Variants in SGCG observed in about 807,000 individuals in gnomAD.
The protein encoded by SGCG is sarcoglycan gamma, also known as gamma-sarcoglycan.
A neutral mutation model predicts 29.3 loss-of-function variants in SGCG; 26 were observed. The ratio of observed to expected loss-of-function variants is 0.89; its 90% CI spans 0.65 to 1.23. The LOEUF is 1.23. SGCG is among the 50% of genes most tolerant of loss of function. The probability of loss-of-function intolerance (pLI) is 0.00; values close to 1 mark genes in which losing one functional copy is unlikely to be tolerated. For missense variants in SGCG, 353 were observed against 356.0 expected (o/e 0.99, Z 0.07); for synonymous variants, 145 against 129.7 (o/e 1.12, Z -0.80).
chr13:23,238,366 A>C (rs1477186946), intron 3 of SGCG, among the ~76,000 whole-genome samples: 1 of 152,154 alleles, frequency 6.6e-6, no homozygotes, highest in Non-Finnish European at 1.5e-5. Context: ...CTATGGATAA[A>C]TATTTACCAG....
intron 2 of SGCG, among the ~76,000 whole-genome samples, chr13:23,211,880 CA>C (rs1436928909): frequency 6.6e-6 from 1 of 152,154 alleles, no homozygotes; most frequent in Non-Finnish European, 1.5e-5. Context: ...TCTGTGTCCC[CA>C]CCCAATCTCC....
intron 4 of SGCG, among the ~76,000 whole-genome samples, chr13:23,260,634 C>G (rs1480637989): frequency 6.6e-6 from 1 of 152,106 alleles, no homozygotes. Flanking sequence ...CAGTTTCTTG[C>G]TAGCATCGAT....
In SGCG at chr13:23,233,811, G is replaced by A. The variant is rs76611653; in HGVS notation, c.196-800G>A. On this transcript the variant is annotated intron_variant, in intron 2 of 7. Transcript: ENST00000218867. ...GCCTAAGACTGAACTTGAGGGAGCC[G>A]GTAGTCAAGGGCTGGGTAGGGAGGA... Among the ~76,000 whole-genome samples, 912 of 152,292 alleles carry A rather than the reference G, an allele frequency of 6.0e-3. 3 individuals are homozygous for A. The highest frequency in any genetic ancestry group is 8.9e-3 in the Non-Finnish European group (604 of 68,024).
At position 23,243,679 on chromosome 13, in the gene SGCG, T is replaced by A. The variant is rs540967906; in HGVS notation, c.298-6951T>A. On this transcript the variant is annotated intron_variant, in intron 3 of 7. Coordinates refer to ENST00000218867, the MANE Select transcript of SGCG (RefSeq NM_000231.3). ...GAGAATGGTGGAGAGAGCCTGGAAGTGGGCATCTAAAGATTGGCTCCACCA... is the reference window on the plus strand; with the variant it reads ...GAGAATGGTGGAGAGAGCCTGGAAGAGGGCATCTAAAGATTGGCTCCACCA... The A allele has an allele frequency of 2.6e-5, 4 of 152,176 alleles. No homozygotes were observed. In the East Asian group the frequency reaches 7.7e-4, roughly 29 times the overall value. The allele number at this position is 152,176 out of a possible 1,614,324, so 9.4% of individuals were successfully genotyped here. A position where few individuals can be genotyped will look rare whatever the true frequency, so the allele number is the denominator to read the frequency against.
chr13:23,322,768 ACCTCCCCC>A lies in SGCG; in HGVS notation c.703-1597_703-1590del, dbSNP rs1883092385. ...TGCACAGACCGCCCCCCACCCATCCACCTCCCCCCCCCCCCCCCCCCGCCAACAGGTGT... is the reference window on the plus strand; with the variant it reads ...TGCACAGACCGCCCCCCACCCATCCACCCCCCCCCCCCCGCCAACAGGTGT... On this transcript the variant is annotated intron_variant, in intron 7 of 7. Transcript: ENST00000218867. Among the ~76,000 whole-genome samples, 3 of 33,424 alleles carry A rather than the reference ACCTCCCCC, an allele frequency of 9.0e-5. No homozygotes were observed. The Admixed American group carries it at 9.7e-4, about 11-fold the overall frequency. The allele number at this position is 33,424 out of a possible 152,430, so 21.9% of individuals were successfully genotyped here. A position where few individuals can be genotyped will look rare whatever the true frequency, so the allele number is the denominator to read the frequency against.
At chr13:23,196,380 G>A (rs900974703) in intron 1 of SGCG, among the ~76,000 whole-genome samples, 2 of 71,206 alleles carry the variant, frequency 2.8e-5, no homozygotes, top group Non-Finnish European at 2.8e-5. Context: ...CTTTTGGGGG[G>A]GTTATTGTTA....
At chr13:23,187,171 C>G (rs765157169) in intron 1 of SGCG, among the ~76,000 whole-genome samples, 5 of 152,162 alleles carry the variant, frequency 3.3e-5, no homozygotes, top group Non-Finnish European at 5.9e-5. Flanking sequence ...TGTGGGAGCC[C>G]TGGAGTGGAT....
intron 5 of SGCG, among the ~76,000 whole-genome samples, chr13:23,286,929 A>G (rs1056932685): frequency 5.3e-5 from 8 of 152,160 alleles, no homozygotes; most frequent in Non-Finnish European, 1.0e-4. Flanking sequence ...GGTAACTGAA[A>G]CCTCAGAGAG....
intron 3 of SGCG, among the ~76,000 whole-genome samples, chr13:23,250,176 T>C (rs1879906624): frequency 6.6e-6 from 1 of 152,212 alleles, no homozygotes; most frequent in African/African-American, 2.4e-5. Context: ...GCTGTATACA[T>C]AGATTTTTTT....
At chr13:23,171,144 T>C in the SGCG span, among the ~76,000 whole-genome samples, 80 of 152,318 alleles carry the variant, frequency 5.3e-4, 1 homozygote, top group East Asian at 0.015. Context: ...AAAGGCTACA[T>C]GTATCATAAT....
At chr13:23,162,716 A>T in the SGCG span, among the ~76,000 whole-genome samples, 18 of 152,188 alleles carry the variant, frequency 1.2e-4, no homozygotes, top group South Asian at 3.7e-3. Flanking sequence ...CTGTAGTCCC[A>T]GCTTCTCGGG....
the SGCG span, among the ~76,000 whole-genome samples, chr13:23,169,115 A>AC: frequency 6.6e-6 from 1 of 151,624 alleles, no homozygotes; most frequent in East Asian, 1.9e-4. Flanking sequence ...CTCTTGCAAA[A>AC]CCTAGTAATC....
intron 3 of SGCG, chr13:23,245,973 T>C (rs546308635): frequency 6.6e-6 from 1 of 152,568 alleles, no homozygotes; most frequent in Admixed American, 6.5e-5. Context: ...CACCTCATTA[T>C]AGTCCTTGGC....
chr13:23,317,855 TA>T (rs1364304693), intron 6 of SGCG, among the ~76,000 whole-genome samples: 1 of 152,158 alleles, frequency 6.6e-6, no homozygotes, highest in Non-Finnish European at 1.5e-5. Flanking sequence ...GATTAAAAGA[TA>T]CAAAGTATTG....
intron 2 of SGCG, among the ~76,000 whole-genome samples, chr13:23,212,396 T>G (rs1216230838): frequency 2.6e-5 from 4 of 152,122 alleles, no homozygotes; most frequent in Admixed American, 6.5e-5. Flanking sequence ...ACCACAATTT[T>G]CTGGTTGTTA....
At chr13:23,174,439 T>C in the SGCG span, among the ~76,000 whole-genome samples, 1 of 152,108 alleles carries the variant, frequency 6.6e-6, no homozygotes. Context: ...GAGAAAGTCA[T>C]GATCCAACCA....
chr13:23,243,749 A>G (rs1331664539), intron 3 of SGCG: 1 of 152,088 alleles, frequency 6.6e-6, no homozygotes, highest in Non-Finnish European at 1.5e-5. Flanking sequence ...GGCAGCTATA[A>G]TTTATTCCCT....
At chr13:23,211,941 T>A (rs1198284561) in intron 2 of SGCG, among the ~76,000 whole-genome samples, 4 of 152,130 alleles carry the variant, frequency 2.6e-5, no homozygotes, top group Admixed American at 2.0e-4. Flanking sequence ...GGGAGGTGAT[T>A]GGATCATGGG....
At chr13:23,248,213 A>T (rs560259622) in intron 3 of SGCG, among the ~76,000 whole-genome samples, 1,812 of 151,338 alleles carry the variant, frequency 0.012, 29 homozygotes, top group African/African-American at 0.041. Context: ...TCAAAAAAAA[A>T]TTTTTTTAAT....
Sources: allele counts gnomAD v4.1 joint callset (sites outside exome capture counted in the v4.1 genomes callset), GRCh38; gene constraint gnomAD v4.1.1; transcripts MANE v1.5; gene names NCBI Gene and HGNC (gene_info 2026-07-23, HGNC 2026-07-21).